The following SIK3 variants were observed in gnomAD, a reference collection of about 807,000 sequenced individuals.
The protein encoded by SIK3 is serine/threonine-protein kinase SIK3.
SIK3 carries 28 observed loss-of-function variants against 144.2 expected under a neutral mutation model. The ratio of observed to expected loss-of-function variants is 0.19; its 90% CI spans 0.14 to 0.27. The LOEUF is 0.27. Among genes scored for constraint, SIK3 ranks in the 10% least tolerant of loss-of-function variants. The probability of loss-of-function intolerance (pLI) is 1.00; values close to 1 mark genes in which losing one functional copy is unlikely to be tolerated. For missense variants in SIK3, 1,319 were observed against 1,776.0 expected, an observed-to-expected ratio of 0.74 and a Z score of 4.62; for synonymous variants, 686 against 676.3, an observed-to-expected ratio of 1.01 and a Z score of -0.22.
intron 4 of SIK3, among the ~76,000 whole-genome samples, chr11:116,912,081 T>A (rs569029666): frequency 6.6e-6 from 1 of 152,352 alleles, no homozygotes; most frequent in Non-Finnish European, 1.5e-5. Flanking sequence ...TTTGTTAAGT[T>A]GCTTTCCAAC....
At chr11:117,043,038 T>C (rs1952813487) in intron 1 of SIK3, among the ~76,000 whole-genome samples, 1 of 152,214 alleles carries the variant, frequency 6.6e-6, no homozygotes. Flanking sequence ...AAATCTTTTT[T>C]CTTCTTTTAA....
intron 1 of SIK3, among the ~76,000 whole-genome samples, chr11:117,085,974 A>C (rs1486019394): frequency 6.6e-6 from 1 of 152,208 alleles, no homozygotes; most frequent in Non-Finnish European, 1.5e-5. Context: ...AAAAACCAAA[A>C]AAAGATTAAT....
In SIK3 at chr11:116,846,399, C is replaced by A; in HGVS notation, c.4107G>T (p.Val1369=). The change falls in exon 24 of 25, where the codon GTG becomes GTT. Residue 1369 remains valine, a synonymous_variant. Transcript: ENST00000445177. The surrounding 1 kb of genome is among the most constrained non-coding windows in gnomAD (Gnocchi z 4.1). ...GACACTCACTCTCTGTTTCTTGTTA[C>A]ACGCCTGCCTGCTCCATGCTGAAGG... The part of the protein sequence containing the change: ...EVSFSMEQAG[V] The A allele has an allele frequency of 6.2e-7, 1 of 1,614,018 alleles. No individual in the cohort carries two copies. The highest frequency in any genetic ancestry group is 8.5e-7 in the Non-Finnish European group (1 of 1,179,962).
intron 1 of SIK3, among the ~76,000 whole-genome samples, chr11:117,018,618 G>A (rs1304547466): frequency 2.0e-5 from 3 of 152,160 alleles, no homozygotes; most frequent in Non-Finnish European, 2.9e-5. Flanking sequence ...ATGTTGCTGG[G>A]AAGGAGGCAA....
Position 117,056,578 on chromosome 11 carries a change from TATAGATATAGATATAGATATA to T in SIK3, c.273+41544_273+41564del, listed in dbSNP as rs1267446290. Among the ~76,000 whole-genome samples the T allele has an allele frequency of 2.5e-4, 30 of 118,072 alleles. No individual in the cohort carries two copies. The East Asian group carries it at 7.6e-3, about 30-fold the overall frequency. The allele number at this position is 118,072 out of a possible 152,430, so 77.5% of individuals were successfully genotyped here. On this transcript the variant is annotated intron_variant, in intron 1 of 24. Coordinates refer to ENST00000445177, the MANE Select transcript of SIK3 (RefSeq NM_001366686.3). ...ATATAGATATAGATATAGATATAGATATAGATATAGATATAGATATAAAGTCCCCAAGAAGAAGTGGCAGAA... is the reference window on the plus strand; with the variant it reads ...ATATAGATATAGATATAGATATAGATAAGTCCCCAAGAAGAAGTGGCAGAA...
chr11:116,918,243 A>C (rs912642062), intron 4 of SIK3, among the ~76,000 whole-genome samples: 3 of 152,210 alleles, frequency 2.0e-5, no homozygotes, highest in African/African-American at 7.2e-5. Flanking sequence ...ACAGTCTCAG[A>C]GACAAAGAGC....
intron 3 of SIK3, among the ~76,000 whole-genome samples, chr11:116,936,638 G>A (rs964969439): frequency 6.6e-6 from 1 of 152,008 alleles, no homozygotes; most frequent in African/African-American, 2.4e-5. Context: ...CTAAATTTTC[G>A]ACTTACATTT....
intron 1 of SIK3, among the ~76,000 whole-genome samples, chr11:117,045,571 T>TGG (rs1952927674): frequency 6.6e-6 from 1 of 152,240 alleles, no homozygotes; most frequent in Non-Finnish European, 1.5e-5. Context: ...CTAGAGGCAC[T>TGG]GGCATGAAGC....
chr11:117,045,591 T>C (rs556543063), intron 1 of SIK3, among the ~76,000 whole-genome samples: 34 of 152,178 alleles, frequency 2.2e-4, no homozygotes, highest in Non-Finnish European at 4.3e-4. Flanking sequence ...CTGAAATTGG[T>C]ATTCTCGCTT....
chr11:116,871,930 G>T (rs1298239018), intron 13 of SIK3, among the ~76,000 whole-genome samples: 1 of 152,164 alleles, frequency 6.6e-6, no homozygotes, highest in Non-Finnish European at 1.5e-5. Flanking sequence ...CCCATAGGCA[G>T]TCATGTACAC....
intron 1 of SIK3, among the ~76,000 whole-genome samples, chr11:117,063,560 C>G (rs2135965305): frequency 6.6e-6 from 1 of 151,390 alleles, no homozygotes; most frequent in East Asian, 1.9e-4. Context: ...AGAGCATACC[C>G]AGGCTTTAAC....
intron 1 of SIK3, among the ~76,000 whole-genome samples, chr11:117,026,299 G>A (rs957222528): frequency 6.6e-6 from 1 of 152,154 alleles, no homozygotes; most frequent in Non-Finnish European, 1.5e-5. Context: ...TGGGTAGTAG[G>A]CTATACCATC....
At chr11:116,862,362 GC>G in intron 16 of SIK3, 35 bp from the exon 17 acceptor site, 1 of 1,612,586 alleles carries the variant, frequency 6.2e-7, no homozygotes, top group South Asian at 1.1e-5. Context: ...ATGGGATGCA[GC>G]CAGACCCGCC....
chr11:116,995,473 G>C lies in SIK3; in HGVS notation c.274-38409C>G, dbSNP rs764299824. 3.3e-5 allele frequency among the ~76,000 whole-genome samples: 5 copies of C among 151,996 alleles called. No individual in the cohort carries two copies. In the South Asian group the frequency reaches 8.3e-4, roughly 25 times the overall value. Reference sequence around the variant, plus strand: ...AGACAAGGTTTCACTATGTTGCCCAGGCTGGTCCCAAACTCCTGCGCTCAA... The same window carrying C: ...AGACAAGGTTTCACTATGTTGCCCACGCTGGTCCCAAACTCCTGCGCTCAA... On this transcript the variant is annotated intron_variant, in intron 1 of 24. Coordinates refer to ENST00000445177, the MANE Select transcript of SIK3 (RefSeq NM_001366686.3).
intron 4 of SIK3, among the ~76,000 whole-genome samples, chr11:116,906,029 A>T (rs1459430985): frequency 6.6e-6 from 1 of 152,210 alleles, no homozygotes; most frequent in Non-Finnish European, 1.5e-5. Flanking sequence ...GTACCAGTAA[A>T]ACACAGTTCT....
chr11:116,847,714 G>A (rs977166890), intron 22 of SIK3, 106 bp from the exon 23 acceptor site: 33 of 1,459,476 alleles, frequency 2.3e-5, no homozygotes, highest in Non-Finnish European at 2.7e-5. Flanking sequence ...AAGACAGCCC[G>A]GGGCCCCACT....
chr11:117,009,132 G>T (rs578040465), intron 1 of SIK3, among the ~76,000 whole-genome samples: 26 of 152,024 alleles, frequency 1.7e-4, no homozygotes, highest in Admixed American at 5.9e-4. Context: ...CTACTTGGGG[G>T]GCTGAGGCAG....
At chr11:116,888,322 C>A (rs903493730) in intron 6 of SIK3, among the ~76,000 whole-genome samples, 6 of 152,194 alleles carry the variant, frequency 3.9e-5, no homozygotes, top group African/African-American at 1.4e-4. Context: ...ACAGCAATAG[C>A]AGCTGGCCTC....
intron 3 of SIK3, among the ~76,000 whole-genome samples, chr11:116,942,556 T>TA (rs1376379514): frequency 6.6e-6 from 1 of 152,010 alleles, no homozygotes; most frequent in African/African-American, 2.4e-5. Flanking sequence ...AATGGGCCAG[T>TA]AGGAAGAATG....
Sources: gnomAD v4.1 joint callset for allele counts (sites outside exome capture counted in the v4.1 genomes callset) on GRCh38, gnomAD v4.1.1 for gene constraint, Gnocchi (gnomAD v3.1) non-coding constraint, MANE v1.5 for transcripts, NCBI Gene and HGNC (gene_info 2026-07-23, HGNC 2026-07-21) for gene names.